The following SPPL2A variants were observed in gnomAD, a reference collection of about 807,000 sequenced individuals.
SPPL2A encodes the protein signal peptide peptidase like 2A, also known as signal peptide peptidase-like 2A.
Under a neutral mutation model 63.8 loss-of-function variants are expected in SPPL2A, and 51 were observed. The ratio of observed to expected loss-of-function variants is 0.80; its 90% CI spans 0.64 to 1.01. The LOEUF is 1.01. SPPL2A is among the 50% of genes least tolerant of loss of function. The probability of loss-of-function intolerance (pLI) is 0.00; values close to 1 mark genes in which losing one functional copy is unlikely to be tolerated. For missense variants in SPPL2A, 553 were observed against 622.7 expected, an observed-to-expected ratio of 0.89 and a Z score of 1.19; for synonymous variants, 188 against 205.8, an observed-to-expected ratio of 0.91 and a Z score of 0.74.
intron 9 of SPPL2A, among the ~76,000 whole-genome samples, chr15:50,731,558 A>AG (rs1555442548): frequency 6.6e-6 from 1 of 151,848 alleles, no homozygotes; most frequent in African/African-American, 2.4e-5. Context: ...AAAAAAAAAA[A>AG]GAAGAAATGT....
At position 50,705,971 on chromosome 15, in the gene SPPL2A, C is replaced by T. The variant is rs892699138; in HGVS notation, c.*1829G>A. The T allele has an allele frequency of 6.6e-6, 1 of 152,120 alleles. No individual in the cohort carries two copies. The highest frequency in any genetic ancestry group is 1.9e-4 in the East Asian group (1 of 5,198). The allele number at this position is 152,120 out of a possible 1,614,324, so 9.4% of individuals were successfully genotyped here. On this transcript the variant is annotated 3_prime_UTR_variant, in exon 15 of 15. Coordinates refer to ENST00000261854, the MANE Select transcript of SPPL2A (RefSeq NM_032802.4). ...AAAAGAAAATGGAAAGATAATTTGA[C>T]CTCTGACTTCCAGGAGAATGTTCAG...
intron 1 of SPPL2A, among the ~76,000 whole-genome samples, chr15:50,764,084 T>G (rs761784140): frequency 3.3e-5 from 5 of 152,188 alleles, no homozygotes; most frequent in African/African-American, 1.2e-4. Flanking sequence ...AATGTGAGTT[T>G]ATGAGGAACT....
Position 50,707,595 on chromosome 15 carries a change from T to C in SPPL2A, c.*205A>G, listed in dbSNP as rs2062520594. ...CGGAAACTACACAGACCATATGTTT[T>C]ATTTAATGTGAAGGCACAACTTTAA... On this transcript the variant is annotated 3_prime_UTR_variant, in exon 15 of 15. Coordinates refer to ENST00000261854, the MANE Select transcript of SPPL2A (RefSeq NM_032802.4). The C allele has an allele frequency of 5.6e-6, 3 of 536,962 alleles. No homozygotes were observed. In the Admixed American group the frequency reaches 1.0e-4, roughly 18 times the overall value. 33.3% of individuals were successfully genotyped at this position (536,962 alleles called of 1,614,324 possible).
At chr15:50,721,886 G>C (rs1477996953) in intron 13 of SPPL2A, among the ~76,000 whole-genome samples, 9 of 152,100 alleles carry the variant, frequency 5.9e-5, no homozygotes, top group South Asian at 2.1e-4. Context: ...GCTTACAGGT[G>C]TGAGCCACTG....
At position 50,748,155 on chromosome 15, in the gene SPPL2A, C is replaced by A; in HGVS notation, c.408G>T (p.Leu136=). The change falls in exon 4 of 15, where the codon CTG becomes CTT. Residue 136 remains leucine (L), a synonymous_variant. Transcript: ENST00000261854. ...NRSEFPDVKI[L]IAFISYKDFR... ...AGTCTTTGTAGCTTATAAATGCAAT[C>A]AGTATTTTCACATCAGGAAATTCAG... 1.3e-6 allele frequency: 2 copies of A among 1,512,746 alleles called. No homozygotes were observed. The highest frequency in any genetic ancestry group is 2.8e-5 in the South Asian group (2 of 71,972). The allele number at this position is 1,512,746 out of a possible 1,614,324, so 93.7% of individuals were successfully genotyped here. A position where few individuals can be genotyped will look rare whatever the true frequency, so the allele number is the denominator to read the frequency against.
chr15:50,741,154 G>C (rs970772535), intron 5 of SPPL2A, among the ~76,000 whole-genome samples: 1 of 151,962 alleles, frequency 6.6e-6, no homozygotes, highest in African/African-American at 2.4e-5. Context: ...CTCTCTTGTC[G>C]ACCTTACTAC....
At chr15:50,731,245 C>T (rs892861010) in intron 9 of SPPL2A, among the ~76,000 whole-genome samples, 2 of 151,922 alleles carry the variant, frequency 1.3e-5, no homozygotes, top group Non-Finnish European at 2.9e-5. Flanking sequence ...AAAAAATCAC[C>T]GAACCAAAGA....
chr15:50,759,716 C>G (rs1482974597), intron 1 of SPPL2A, among the ~76,000 whole-genome samples: 2 of 151,112 alleles, frequency 1.3e-5, no homozygotes, highest in Non-Finnish European at 2.9e-5. Context: ...GCACTCTAGC[C>G]TGGGCGACAG....
chr15:50,740,446 GAA>G (rs71207378), intron 5 of SPPL2A, among the ~76,000 whole-genome samples: 1 of 123,506 alleles, frequency 8.1e-6, no homozygotes, highest in Non-Finnish European at 1.6e-5. Flanking sequence ...AAAAAAAAAA[GAA>G]AAAAAAAAGA....
chr15:50,747,477 TAA>T lies in SPPL2A; in HGVS notation c.584+16_584+17del, dbSNP rs754801005. The T allele has an allele frequency of 6.9e-6, 11 of 1,586,000 alleles. No individual in the cohort carries two copies. In the African/African-American group the frequency reaches 1.4e-4, roughly 20 times the overall value. On this transcript the variant is annotated intron_variant, in intron 5 of 14. Transcript: ENST00000261854. ...TTTAACCATTTATTACAAAAACGCT[TAA>T]GTTAATTAAACTTACAATTCAACTA... is the stretch of plus-strand genomic sequence containing the variant.
intron 14 of SPPL2A, among the ~76,000 whole-genome samples, chr15:50,717,497 T>A (rs138704826): frequency 6.6e-6 from 1 of 152,170 alleles, no homozygotes; most frequent in Non-Finnish European, 1.5e-5. Flanking sequence ...ATTGCAATAA[T>A]TGTCCCCAGT....
chr15:50,750,126 C>T (rs2062894972), intron 1 of SPPL2A, among the ~76,000 whole-genome samples: 1 of 152,120 alleles, frequency 6.6e-6, no homozygotes, highest in Admixed American at 6.6e-5. Context: ...CTTTTTGACA[C>T]AGAGTCTTGC....
intron 14 of SPPL2A, among the ~76,000 whole-genome samples, chr15:50,711,649 G>C (rs8032980): frequency 0.37 from 56,543 of 151,998 alleles, 10,677 homozygotes; most frequent in East Asian, 0.56. Flanking sequence ...TGAGGTATAA[G>C]TTGCCCCCTA....
chr15:50,754,854 C>T (rs749992136), intron 1 of SPPL2A, among the ~76,000 whole-genome samples: 1 of 152,122 alleles, frequency 6.6e-6, no homozygotes, highest in Non-Finnish European at 1.5e-5. Flanking sequence ...TGGTGGCCCA[C>T]ACCTGTAATC....
At chr15:50,731,618 A>G (rs1408764795) in intron 9 of SPPL2A, among the ~76,000 whole-genome samples, 4 of 151,996 alleles carry the variant, frequency 2.6e-5, no homozygotes, top group Non-Finnish European at 4.4e-5. Flanking sequence ...TTGGCATATT[A>G]TATGAATGAT....
chr15:50,749,660 A>G lies in SPPL2A; in HGVS notation c.153T>C (p.Ala51=), dbSNP rs1295195089. The G allele has an allele frequency of 6.2e-7, 1 of 1,604,310 alleles. No individual in the cohort carries two copies. The highest frequency in any genetic ancestry group is 1.1e-5 in the South Asian group (1 of 90,896). The change falls in exon 2 of 15, where the codon GCT becomes GCC. Residue 51 remains alanine, a synonymous_variant. Transcript: ENST00000261854. The part of the protein sequence containing the change: ...YCMLYNPYWT[A]LPSTLENATS... ...CTGCATTTTCTAGGGTACTTGGAAG[A>G]GCTGTCCAATAAGGGTTATAAAGCA...
At chr15:50,736,320 T>G (rs1429705110) in intron 7 of SPPL2A, 118 bp from the exon 8 acceptor site, 1 of 663,960 alleles carries the variant, frequency 1.5e-6, no homozygotes, top group South Asian at 1.8e-5. Context: ...ATTTTGAAAG[T>G]CTTGATTTTA....
intron 5 of SPPL2A, among the ~76,000 whole-genome samples, chr15:50,740,201 G>A (rs2062807515): frequency 6.6e-6 from 1 of 151,898 alleles, no homozygotes; most frequent in Non-Finnish European, 1.5e-5. Flanking sequence ...GGCTGAGGCG[G>A]GCGGATCATG....
chr15:50,719,941 T>C lies in SPPL2A; in HGVS notation c.1487A>G (p.Gln496Arg). 1.2e-6 allele frequency: 2 copies of C among 1,609,050 alleles called. No homozygotes were observed. The highest frequency in any genetic ancestry group is 1.7e-6 in the Non-Finnish European group (2 of 1,177,926). The change falls in exon 14 of 15, where the codon CAG (glutamine) becomes CGG (arginine). Residue 496 changes from glutamine to arginine, a missense_variant and splice_region_variant. Physicochemically the swap from Gln to Arg is conservative, Grantham distance 43. Transcript: ENST00000261854. ...MKKFWKGNSY[Q>R]MMDHLDCATN... The stretch of plus-strand genomic sequence containing the variant: ...GGTAACCAAAGTATAAGCACATACC[T>C]GATAGCTGTTACCTTTCCAGAACTT...
Sources: gnomAD v4.1 joint callset for allele counts (sites outside exome capture counted in the v4.1 genomes callset) on GRCh38, gnomAD v4.1.1 for gene constraint, MANE v1.5 for transcripts, NCBI Gene and HGNC (gene_info 2026-07-23, HGNC 2026-07-21) for gene names.